TMEM117: variants seen among roughly 807,000 people sequenced by gnomAD.
The protein encoded by TMEM117 is transmembrane protein 117.
Under a neutral mutation model 52.4 loss-of-function variants are expected in TMEM117, and 27 were observed. That is an observed-to-expected ratio of 0.51 (90% confidence interval 0.38 to 0.71). The LOEUF (loss-of-function observed/expected upper bound fraction) is 0.71. TMEM117 is among the 30% of genes least tolerant of loss of function. TMEM117 has a pLI of 0.00. For missense variants in TMEM117, 556 were observed against 630.5 expected (o/e 0.88, Z 1.26); for synonymous variants, 215 against 206.3 (o/e 1.04, Z -0.36).
chr12:44,118,289 T>C (rs1948178695), intron 3 of TMEM117, among the ~76,000 whole-genome samples: 1 of 152,178 alleles, frequency 6.6e-6, no homozygotes, highest in Non-Finnish European at 1.5e-5. Flanking sequence ...CAGATTTGAT[T>C]TGAAGAGAAT....
chr12:44,074,689 T>C (rs1347185726), intron 3 of TMEM117, among the ~76,000 whole-genome samples: 2 of 152,142 alleles, frequency 1.3e-5, no homozygotes, highest in African/African-American at 4.8e-5. Flanking sequence ...TCATATACAT[T>C]TGGCAGTTCT....
chr12:44,392,747 C>G (rs901995956), downstream of TMEM117, among the ~76,000 whole-genome samples: 2 of 146,444 alleles, frequency 1.4e-5, no homozygotes, highest in Non-Finnish European at 3.0e-5. Flanking sequence ...TTGTTCAGTT[C>G]CCACCTATGA....
At chr12:44,098,753 C>G (rs919090172) in intron 3 of TMEM117, among the ~76,000 whole-genome samples, 1 of 152,074 alleles carries the variant, frequency 6.6e-6, no homozygotes, top group Non-Finnish European at 1.5e-5. Context: ...TCTGTGTTAA[C>G]TGTTCTTGTT....
chr12:44,196,319 C>CA, intron 4 of TMEM117, among the ~76,000 whole-genome samples: 1 of 151,912 alleles, frequency 6.6e-6, no homozygotes, highest in South Asian at 2.1e-4. Flanking sequence ...TCGAAATATA[C>CA]AAAATTTGTT....
intron 6 of TMEM117, among the ~76,000 whole-genome samples, chr12:44,347,803 T>A (rs1384824105): frequency 2.0e-5 from 3 of 152,056 alleles, no homozygotes; most frequent in African/African-American, 7.2e-5. Flanking sequence ...CATCAGAATT[T>A]TTCCTCTCTT....
At chr12:44,201,946 A>G (rs912329687) in intron 4 of TMEM117, among the ~76,000 whole-genome samples, 1 of 152,174 alleles carries the variant, frequency 6.6e-6, no homozygotes, top group East Asian at 1.9e-4. Flanking sequence ...AGGGGAGAAG[A>G]TATCATGTGG....
At chr12:44,222,168 G>A (rs927981566) in intron 5 of TMEM117, among the ~76,000 whole-genome samples, 1 of 152,142 alleles carries the variant, frequency 6.6e-6, no homozygotes, top group Non-Finnish European at 1.5e-5. Flanking sequence ...CTAGCCTTGT[G>A]TCTCTGGTCA....
At chr12:44,351,187 CTA>C (rs1951557203) in intron 6 of TMEM117, among the ~76,000 whole-genome samples, 1 of 151,940 alleles carries the variant, frequency 6.6e-6, no homozygotes, top group African/African-American at 2.4e-5. Flanking sequence ...AATCTTTTGT[CTA>C]TTTTTTATTG....
At chr12:43,993,754 G>T (rs1945983132) in intron 3 of TMEM117, among the ~76,000 whole-genome samples, 1 of 152,102 alleles carries the variant, frequency 6.6e-6, no homozygotes, top group Admixed American at 6.5e-5. Flanking sequence ...GAGTGCAGTG[G>T]TACAATCTTG....
chr12:44,158,377 A>G (rs1279758248), intron 4 of TMEM117, among the ~76,000 whole-genome samples: 1 of 151,114 alleles, frequency 6.6e-6, no homozygotes, highest in African/African-American at 2.5e-5. Flanking sequence ...CTCAAGGACA[A>G]CAACTTTTGA....
At chr12:44,224,905 C>T (rs1034334078) in intron 5 of TMEM117, among the ~76,000 whole-genome samples, 14 of 152,184 alleles carry the variant, frequency 9.2e-5, no homozygotes, top group South Asian at 6.2e-4. Flanking sequence ...TCCCCAAAGC[C>T]GCGTCTGGAA....
intron 5 of TMEM117, among the ~76,000 whole-genome samples, chr12:44,278,430 A>G: frequency 6.6e-6 from 1 of 152,186 alleles, no homozygotes; most frequent in Non-Finnish European, 1.5e-5. Flanking sequence ...GTGTCATCCA[A>G]GTTTAGTAAT....
At chr12:44,083,711 A>C (rs955550059) in intron 3 of TMEM117, 1 of 152,044 alleles carries the variant, frequency 6.6e-6, no homozygotes, top group Non-Finnish European at 1.5e-5. Context: ...GCCAGATTTC[A>C]TAATTCATGC....
At chr12:43,807,939 A>G in the TMEM117 span, among the ~76,000 whole-genome samples, 1 of 152,234 alleles carries the variant, frequency 6.6e-6, no homozygotes, top group Non-Finnish European at 1.5e-5. Flanking sequence ...ATGGTAGTTT[A>G]CAGTTTACAA....
intron 2 of TMEM117, among the ~76,000 whole-genome samples, chr12:43,928,641 T>G (rs1328991026): frequency 6.6e-6 from 1 of 152,052 alleles, no homozygotes; most frequent in East Asian, 1.9e-4. Context: ...ATGTGCACAA[T>G]GCGCAGGTTA....
chr12:43,885,583 T>C (rs1943979994), intron 2 of TMEM117, among the ~76,000 whole-genome samples: 1 of 152,034 alleles, frequency 6.6e-6, no homozygotes, highest in African/African-American at 2.4e-5. Context: ...GTTAATACTT[T>C]TGGGAGTTTT....
At chr12:44,309,961 C>T (rs1195763228) in intron 6 of TMEM117, among the ~76,000 whole-genome samples, 1 of 152,226 alleles carries the variant, frequency 6.6e-6, no homozygotes, top group African/African-American at 2.4e-5. Flanking sequence ...AAAGTCAGGG[C>T]TGCATAGTTC....
chr12:43,850,578 T>C (rs1486660668), intron 2 of TMEM117, among the ~76,000 whole-genome samples: 1 of 152,178 alleles, frequency 6.6e-6, no homozygotes, highest in Non-Finnish European at 1.5e-5. Flanking sequence ...TTCCTTCAAA[T>C]CTCAGTTCAA....
intron 6 of TMEM117, among the ~76,000 whole-genome samples, chr12:44,303,167 C>G (rs1225540707): frequency 6.6e-6 from 1 of 152,002 alleles, no homozygotes; most frequent in Admixed American, 6.5e-5. Context: ...CCTCAGCCTC[C>G]CAGGTAGCTG....
Sources: allele counts gnomAD v4.1 joint callset (sites outside exome capture counted in the v4.1 genomes callset), GRCh38; gene constraint gnomAD v4.1.1; transcripts MANE v1.5; gene names NCBI Gene and HGNC (gene_info 2026-07-23, HGNC 2026-07-21).